CHRNB3: variants seen among roughly 807,000 people sequenced by gnomAD.
CHRNB3 encodes neuronal acetylcholine receptor subunit beta-3.
A neutral mutation model predicts 40.6 loss-of-function variants in CHRNB3; 37 were observed. That is an observed-to-expected ratio of 0.91 (90% confidence interval 0.70 to 1.20). CHRNB3 has a LOEUF of 1.20. CHRNB3 is among the 50% of genes most tolerant of loss of function. The probability of loss-of-function intolerance (pLI) is 0.00; values close to 1 mark genes in which losing one functional copy is unlikely to be tolerated. For synonymous variants in CHRNB3, 207 were observed against 207.1 expected, an observed-to-expected ratio of 1.00 and a Z score of 0.00; for missense variants, 505 against 551.2, an observed-to-expected ratio of 0.92 and a Z score of 0.84.
In CHRNB3 at chr8:42,708,728, T is replaced by G. The variant is rs1469693712; in HGVS notation, c.64T>G (p.Phe22Val). ...LGIPSSATTG[F>V]NSIAENEDAL... ...TGATTCTTTTACAGCCACCACAGGT[T>G]TCAACTCAATCGCCGAAAATGAAGA... The change falls in exon 2 of 6, where the codon TTC (phenylalanine) becomes GTC (valine). Residue 22 changes from phenylalanine (F) to valine (V), a missense_variant. Coordinates refer to ENST00000289957, the MANE Select transcript of CHRNB3 (RefSeq NM_000749.5). 2 of 1,613,930 alleles carry G rather than the reference T, an allele frequency of 1.2e-6. No individual in the cohort carries two copies. Among genetic ancestry groups the G allele is most frequent in the South Asian group, 2.2e-5 (2 of 91,014 alleles).
chr8:42,730,602 A>G lies in CHRNB3; in HGVS notation c.258A>G (p.Thr86=). ...TTNVWLKQEW[T]DHKLRWNPDD... ...GTACTAATTTCATGCAGGAATGGAC[A>G]GACCACAAGTTACGCTGGAATCCTG... The change falls in exon 4 of 6, where the codon ACA becomes ACG. Residue 86 remains threonine (T), a synonymous_variant. Transcript: ENST00000289957. The G allele has an allele frequency of 1.9e-6, 3 of 1,597,354 alleles. No homozygotes were observed. The highest frequency in any genetic ancestry group is 2.6e-6 in the Non-Finnish European group (3 of 1,170,058).
chr8:42,731,013 AGT>A (rs1816406312), intron 4 of CHRNB3, among the ~76,000 whole-genome samples: 1 of 149,304 alleles, frequency 6.7e-6, no homozygotes, highest in African/African-American at 2.5e-5. Context: ...GCGCCACTGC[AGT>A]CCGCAGTCCG....
At chr8:42,703,427 A>ATATAT (rs1815855622) in intron 1 of CHRNB3, among the ~76,000 whole-genome samples, 1 of 35,822 alleles carries the variant, frequency 2.8e-5, no homozygotes, top group African/African-American at 5.7e-5. Context: ...TCGTCTAAAA[A>ATATAT]AAAAAAAAAT....
At chr8:42,698,985 G>T (rs1815729331) in intron 1 of CHRNB3, among the ~76,000 whole-genome samples, 1 of 152,214 alleles carries the variant, frequency 6.6e-6, no homozygotes, top group Non-Finnish European at 1.5e-5. Context: ...AGTTTGGGAA[G>T]ATTGTGTAAT....
At chr8:42,724,162 T>G (rs922920364) in intron 3 of CHRNB3, among the ~76,000 whole-genome samples, 1 of 151,626 alleles carries the variant, frequency 6.6e-6, no homozygotes, top group South Asian at 2.1e-4. Flanking sequence ...ATTGGGAGGC[T>G]GAGGCGGGCA....
intron 5 of CHRNB3, among the ~76,000 whole-genome samples, chr8:42,736,060 T>G (rs1207961809): frequency 1.3e-5 from 2 of 152,128 alleles, no homozygotes; most frequent in African/African-American, 4.8e-5. Flanking sequence ...GAGAGGGAGT[T>G]TCACCATGTT....
rs767406099 is a variant in CHRNB3 at position 42,736,507 on chromosome 8, A to G, written c.1266A>G (p.Val422=). ...ISQVVQDWKF[V]AQVLDRIFLW... ...AGGTAGTACAAGACTGGAAATTTGT[A>G]GCTCAAGTTCTTGACCGAATCTTCC... The change falls in exon 6 of 6, where the codon GTA becomes GTG. Residue 422 remains valine, a synonymous_variant. Coordinates refer to ENST00000289957, the MANE Select transcript of CHRNB3 (RefSeq NM_000749.5). 5 of 1,614,116 alleles carry G rather than the reference A, an allele frequency of 3.1e-6. No homozygotes were observed. The highest frequency in any genetic ancestry group is 4.2e-6 in the Non-Finnish European group (5 of 1,180,052).
chr8:42,700,462 C>G (rs117150620), intron 1 of CHRNB3, among the ~76,000 whole-genome samples: 19 of 151,956 alleles, frequency 1.3e-4, no homozygotes, highest in Admixed American at 1.2e-3. Flanking sequence ...GCTGAGATTA[C>G]GGGTGCCCAC....
chr8:42,711,366 GTTT>G (rs200171961), intron 3 of CHRNB3, among the ~76,000 whole-genome samples: 2 of 148,834 alleles, frequency 1.3e-5, no homozygotes, highest in African/African-American at 2.5e-5. Flanking sequence ...TTTACCAGTG[GTTT>G]TTTTTTTAAT....
At chr8:42,713,094 T>A (rs540684672) in intron 3 of CHRNB3, among the ~76,000 whole-genome samples, 11 of 151,918 alleles carry the variant, frequency 7.2e-5, no homozygotes, top group Non-Finnish European at 1.5e-4. Flanking sequence ...ACTCCTGATG[T>A]CAGCCCAAAG....
At chr8:42,734,512 C>T (rs537811048) in intron 5 of CHRNB3, among the ~76,000 whole-genome samples, 42 of 151,138 alleles carry the variant, frequency 2.8e-4, no homozygotes, top group African/African-American at 9.7e-4. Flanking sequence ...CTCCACCTTC[C>T]GGGTTCGTGC....
At position 42,715,354 on chromosome 8, in the gene CHRNB3, A is replaced by C. The variant is rs77070928; in HGVS notation, c.249+4920A>C. Among the ~76,000 whole-genome samples the C allele has an allele frequency of 6.6e-3, 1,009 of 152,280 alleles. 7 individuals carry two copies. Among genetic ancestry groups the C allele is most frequent in the Non-Finnish European group, 0.011 (753 of 68,038 alleles). On this transcript the variant is annotated intron_variant, in intron 3 of 5. Transcript: ENST00000289957. ...GAAGTTGTGAACCACCTGAATAGTG[A>C]ATAGTAGTCCAATAACACCACTATC...
At chr8:42,700,108 G>A (rs554119316) in intron 1 of CHRNB3, among the ~76,000 whole-genome samples, 25 of 150,850 alleles carry the variant, frequency 1.7e-4, no homozygotes, top group Non-Finnish European at 7.4e-5. Flanking sequence ...CCGCCTCCCG[G>A]GTTCACGCCA....
At chr8:42,706,682 C>T (rs1163297464) in intron 1 of CHRNB3, among the ~76,000 whole-genome samples, 2 of 152,152 alleles carry the variant, frequency 1.3e-5, no homozygotes, top group Admixed American at 1.3e-4. Flanking sequence ...TACAGACTGA[C>T]ACCCTGGTGG....
At chr8:42,723,029 A>G (rs79541073) in intron 3 of CHRNB3, among the ~76,000 whole-genome samples, 3,509 of 141,882 alleles carry the variant, frequency 0.025, 152 homozygotes, top group African/African-American at 0.082. Flanking sequence ...TATCGTAATA[A>G]GATATCCTAT....
chr8:42,704,722 A>G (rs1027075609), intron 1 of CHRNB3, among the ~76,000 whole-genome samples: 1 of 151,594 alleles, frequency 6.6e-6, no homozygotes, highest in Non-Finnish European at 1.5e-5. Context: ...TGGTTCAGGC[A>G]TCATTCAGTT....
At chr8:42,698,712 A>G (rs1249914550) in intron 1 of CHRNB3, among the ~76,000 whole-genome samples, 3 of 152,358 alleles carry the variant, frequency 2.0e-5, no homozygotes, top group East Asian at 1.9e-4. Context: ...CACAAAAATG[A>G]TAAGAAAATT....
chr8:42,716,098 C>A (rs1015299462), intron 3 of CHRNB3, among the ~76,000 whole-genome samples: 1 of 151,132 alleles, frequency 6.6e-6, no homozygotes, highest in Non-Finnish European at 1.5e-5. Context: ...GCTTCAGCCT[C>A]CCGAGTAGCT....
intron 3 of CHRNB3, among the ~76,000 whole-genome samples, chr8:42,722,269 G>A (rs1816230197): frequency 6.6e-6 from 1 of 152,054 alleles, no homozygotes; most frequent in Admixed American, 6.6e-5. Flanking sequence ...AGAGGCTGGG[G>A]CAGGAGAATG....
Sources: allele counts gnomAD v4.1 joint callset (sites outside exome capture counted in the v4.1 genomes callset), GRCh38; gene constraint gnomAD v4.1.1; transcripts MANE v1.5; gene names NCBI Gene and HGNC (gene_info 2026-07-23, HGNC 2026-07-21).